PKHD1L1: variants seen among roughly 807,000 people sequenced by gnomAD.
The protein encoded by PKHD1L1 is fibrocystin-L.
Under a neutral mutation model 462.9 loss-of-function variants are expected in PKHD1L1, and 434 were observed. The ratio of observed to expected loss-of-function variants is 0.94; its 90% CI spans 0.87 to 1.02. PKHD1L1 has a LOEUF of 1.02. PKHD1L1 is among the 50% of genes least tolerant of loss of function. The probability of loss-of-function intolerance (pLI) is 0.00; values close to 1 mark genes in which losing one functional copy is unlikely to be tolerated. For missense variants in PKHD1L1, 5,202 were observed against 5,096.1 expected (o/e 1.02, Z -0.63); for synonymous variants, 1,781 against 1,750.0 (o/e 1.02, Z -0.44).
Position 109,438,359 on chromosome 8 carries a change from C to G in PKHD1L1, c.3663C>G (p.Thr1221=). The change falls in exon 31 of 78, where the codon ACC becomes ACG. Residue 1221 remains threonine (T), a synonymous_variant. Transcript: ENST00000378402. ...TEGTVDISVT[T]NGFQATARDA... is the part of the protein sequence containing the mutation. ...GTACAGTTGATATTTCAGTTACTAC[C>G]AATGGATTTCAAGCCACAGCAAGGG... 6.5e-7 allele frequency: 1 copy of G among 1,536,076 alleles called. No homozygotes were observed. The highest frequency in any genetic ancestry group is 1.2e-5 in the South Asian group (1 of 81,906).
chr8:109,381,280 T>C, intron 2 of PKHD1L1, 90 bp from the exon 3 acceptor site: 1 of 1,074,638 alleles, frequency 9.3e-7, no homozygotes, highest in South Asian at 1.5e-5. Context: ...TATGAAATCA[T>C]TTACTGCATG....
intron 14 of PKHD1L1, among the ~76,000 whole-genome samples, chr8:109,403,952 G>T (rs1338375509): frequency 6.6e-6 from 1 of 152,062 alleles, no homozygotes; most frequent in Non-Finnish European, 1.5e-5. Context: ...GTACACAGTA[G>T]GATGAGGGGC....
chr8:109,522,369 T>C (rs1820595108), intron 74 of PKHD1L1, 32 bp downstream of exon 74: 1 of 1,499,500 alleles, frequency 6.7e-7, no homozygotes, highest in African/African-American at 1.4e-5. Flanking sequence ...AAATGCATTT[T>C]TTGGGACTTA....
At chr8:109,485,003 T>G in intron 57 of PKHD1L1, 41 bp from the exon 58 acceptor site, 1 of 1,489,392 alleles carries the variant, frequency 6.7e-7, no homozygotes, top group African/African-American at 1.4e-5. Context: ...TAAATCTATT[T>G]TTAAAATTGT....
intron 67 of PKHD1L1, chr8:109,499,124 C>G (rs79093251): frequency 0.023 from 4,259 of 186,362 alleles, 196 homozygotes; most frequent in African/African-American, 0.096. Context: ...GCTCAAAGAA[C>G]TTAGTGCCTG....
At chr8:109,401,387 T>C (rs1430528550) in intron 13 of PKHD1L1, 110 bp from the exon 14 acceptor site, 15 of 662,108 alleles carry the variant, frequency 2.3e-5, no homozygotes, top group Non-Finnish European at 3.6e-5. Context: ...TTTACATTTT[T>C]CTACTTATGA....
Position 109,381,395 on chromosome 8 carries a change from CT to C in PKHD1L1, c.190del (p.Tyr64MetfsTer14). ...EGFSQANQFN[Y>X]GVDNAELGNS... The stretch of plus-strand genomic sequence containing the variant: ...GTTTTTCTCAAGCAAACCAGTTTAA[CT>C]ATGGAGTTGATAACGCTGAGTTGGG... On this transcript the variant is annotated frameshift_variant, in exon 3 of 78. Transcript: ENST00000378402. LOFTEE classifies it high-confidence loss of function. 1 of 1,578,390 alleles carries C rather than the reference CT, an allele frequency of 6.3e-7. No individual in the cohort carries two copies. Among genetic ancestry groups the C allele is most frequent in the South Asian group, 1.2e-5 (1 of 86,384 alleles).
At chr8:109,400,032 A>G (rs556842250) in intron 12 of PKHD1L1, 44 bp from the exon 13 acceptor site, 52 of 1,553,232 alleles carry the variant, frequency 3.3e-5, no homozygotes, top group African/African-American at 1.5e-4. Context: ...GAGGCATTGC[A>G]TTATGATCCT....
intron 59 of PKHD1L1, among the ~76,000 whole-genome samples, chr8:109,489,089 T>A (rs1436982381): frequency 6.6e-6 from 1 of 151,994 alleles, no homozygotes; most frequent in Admixed American, 6.6e-5. Flanking sequence ...GTCTTCTCTA[T>A]CATTATCTCA....
At chr8:109,434,716 G>A (rs948257814) in intron 28 of PKHD1L1, among the ~76,000 whole-genome samples, 4 of 152,044 alleles carry the variant, frequency 2.6e-5, no homozygotes, top group Non-Finnish European at 2.9e-5. Context: ...TGATCCACCC[G>A]CCTCAGCCTT....
intron 56 of PKHD1L1, 39 bp from the exon 57 acceptor site, chr8:109,482,948 T>C: frequency 7.5e-7 from 1 of 1,331,346 alleles, no homozygotes; most frequent in Non-Finnish European, 1.0e-6. Flanking sequence ...AACTCAGTAC[T>C]GTGGGGTGAA....
chr8:109,484,944 A>G, intron 57 of PKHD1L1, 100 bp from the exon 58 acceptor site: 2 of 967,416 alleles, frequency 2.1e-6, no homozygotes, highest in Non-Finnish European at 3.0e-6. Flanking sequence ...ATAATTGCCA[A>G]TGAGATATAC....
chr8:109,497,412 T>G, intron 65 of PKHD1L1, 140 bp downstream of exon 65: 2 of 697,492 alleles, frequency 2.9e-6, no homozygotes, highest in Non-Finnish European at 4.4e-6. Flanking sequence ...CCCACTGCCC[T>G]CTGCCTAAAA....
Position 109,452,747 on chromosome 8 carries a change from C to T in PKHD1L1, c.6537C>T (p.Ala2179=). The T allele has an allele frequency of 6.5e-7, 1 of 1,539,740 alleles. No individual in the cohort carries two copies. The highest frequency in any genetic ancestry group is 8.7e-7 in the Non-Finnish European group (1 of 1,144,888). The part of the protein sequence containing the change: ...LDNADFLYVD[A]WSSNFSWGGK... ...ATGCTGACTTTCTTTATGTTGATGCCTGGTCCTCCAATTTCTCATGGGGGG... is the reference window on the plus strand; with the variant it reads ...ATGCTGACTTTCTTTATGTTGATGCTTGGTCCTCCAATTTCTCATGGGGGG... Residue 2179 remains alanine (A), a synonymous_variant, in exon 43 of 78, where the codon GCC becomes GCT. Transcript: ENST00000378402.
intron 52 of PKHD1L1, 118 bp downstream of exon 52, chr8:109,476,785 G>A (rs1818010905): frequency 1.1e-6 from 1 of 885,364 alleles, no homozygotes; most frequent in South Asian, 2.2e-5. Flanking sequence ...TCCAATAAAT[G>A]TTTGCTGAAT....
chr8:109,411,229 G>A (rs905002935), intron 19 of PKHD1L1, among the ~76,000 whole-genome samples: 1 of 152,054 alleles, frequency 6.6e-6, no homozygotes, highest in Non-Finnish European at 1.5e-5. Flanking sequence ...TTAATATAGA[G>A]TAAAGGAAGA....
chr8:109,459,525 A>G, intron 46 of PKHD1L1, 70 bp from the exon 47 acceptor site: 19 of 1,254,308 alleles, frequency 1.5e-5, no homozygotes, highest in Non-Finnish European at 1.8e-5. Flanking sequence ...TGAATAAAAC[A>G]AATATACCAA....
chr8:109,485,411 T>C (rs1203706839), intron 58 of PKHD1L1, among the ~76,000 whole-genome samples: 7 of 151,976 alleles, frequency 4.6e-5, no homozygotes, highest in Non-Finnish European at 8.8e-5. Flanking sequence ...TGACATTTTA[T>C]AGGGTAAGGC....
intron 67 of PKHD1L1, among the ~76,000 whole-genome samples, chr8:109,500,400 T>G (rs1336472127): frequency 1.3e-5 from 2 of 150,412 alleles, no homozygotes; most frequent in Non-Finnish European, 3.0e-5. Flanking sequence ...AGGCCCCTGG[T>G]CCATGGTGGC....
Sources: gnomAD v4.1 joint callset for allele counts (sites outside exome capture counted in the v4.1 genomes callset) on GRCh38, gnomAD v4.1.1 for gene constraint, MANE v1.5 for transcripts, NCBI Gene and HGNC (gene_info 2026-07-23, HGNC 2026-07-21) for gene names.